Variants in FSTL5 observed in about 807,000 individuals in gnomAD.
The protein encoded by FSTL5 is follistatin like 5, also known as follistatin-related protein 5.
A neutral mutation model predicts 89.1 loss-of-function variants in FSTL5; 62 were observed. That is an observed-to-expected ratio of 0.70 (90% CI 0.57 to 0.86). The LOEUF is 0.86. Among genes scored for constraint, FSTL5 ranks in the 40% least tolerant of loss-of-function variants. The pLI is 0.00. For synonymous variants in FSTL5, 383 were observed against 346.2 expected (o/e 1.11, Z -1.18); for missense variants, 1,057 against 1,001.6 (o/e 1.06, Z -0.75).
chr4:161,527,009 T>C (rs1578900086), intron 10 of FSTL5, among the ~76,000 whole-genome samples: 1 of 152,128 alleles, frequency 6.6e-6, no homozygotes, highest in Non-Finnish European at 1.5e-5. Context: ...GGGGATGGCA[T>C]TGAATCTATA....
chr4:161,818,178 A>G (rs985616609), intron 4 of FSTL5, among the ~76,000 whole-genome samples: 1 of 152,154 alleles, frequency 6.6e-6, no homozygotes, highest in Non-Finnish European at 1.5e-5. Flanking sequence ...GCACACCCGC[A>G]GGCCACCCCA....
At chr4:161,684,124 T>G (rs1737620520) in intron 6 of FSTL5, among the ~76,000 whole-genome samples, 1 of 152,156 alleles carries the variant, frequency 6.6e-6, no homozygotes, top group African/African-American at 2.4e-5. Flanking sequence ...CATGTACACA[T>G]GGTATACAGT....
intron 5 of FSTL5, among the ~76,000 whole-genome samples, chr4:161,767,328 C>T (rs865777050): frequency 6.6e-6 from 1 of 152,130 alleles, no homozygotes; most frequent in South Asian, 2.1e-4. Context: ...GATGTACTTA[C>T]AATACTTATG....
chr4:162,132,277 C>T (rs74415785), intron 1 of FSTL5, among the ~76,000 whole-genome samples: 20,870 of 152,182 alleles, frequency 0.14, 1,953 homozygotes, highest in Non-Finnish European at 0.19. Context: ...ATTGTAGGCA[C>T]TACAGTGCTC....
At chr4:161,954,346 A>C (rs949166609) in intron 3 of FSTL5, among the ~76,000 whole-genome samples, 3 of 151,654 alleles carry the variant, frequency 2.0e-5, no homozygotes, top group African/African-American at 7.2e-5. Context: ...AAATGTTTTT[A>C]AGAGGCCATT....
At chr4:162,127,709 T>C (rs1181092475) in intron 1 of FSTL5, among the ~76,000 whole-genome samples, 2 of 151,938 alleles carry the variant, frequency 1.3e-5, no homozygotes, top group Admixed American at 6.6e-5. Flanking sequence ...AGTTTAAGGA[T>C]AGAACTGAGA....
At chr4:161,999,169 T>C (rs1241620655) in intron 3 of FSTL5, among the ~76,000 whole-genome samples, 1 of 152,176 alleles carries the variant, frequency 6.6e-6, no homozygotes, top group Admixed American at 6.5e-5. Context: ...AATTTTTTAT[T>C]TCCACATTGA....
At chr4:162,039,742 A>C (rs1329869371) in intron 2 of FSTL5, among the ~76,000 whole-genome samples, 1 of 152,006 alleles carries the variant, frequency 6.6e-6, no homozygotes, top group East Asian at 1.9e-4. Context: ...TGGTATATCG[A>C]ATAAAGCCCA....
chr4:161,622,385 G>A (rs906769227), intron 7 of FSTL5, among the ~76,000 whole-genome samples: 4 of 152,052 alleles, frequency 2.6e-5, no homozygotes, highest in Non-Finnish European at 4.4e-5. Context: ...ATGTTATGAA[G>A]TCAGTGAAAG....
chr4:161,451,076 T>G (rs761965928), intron 15 of FSTL5, among the ~76,000 whole-genome samples: 4 of 152,070 alleles, frequency 2.6e-5, no homozygotes, highest in Non-Finnish European at 5.9e-5. Flanking sequence ...CCACTTTTAA[T>G]TTTACCTATC....
chr4:161,612,620 A>G (rs975574197), intron 7 of FSTL5, among the ~76,000 whole-genome samples: 1 of 152,204 alleles, frequency 6.6e-6, no homozygotes, highest in Non-Finnish European at 1.5e-5. Context: ...TCACTTGGGG[A>G]TGAGAAGTAT....
At chr4:161,941,837 A>G (rs1560928020) in intron 3 of FSTL5, among the ~76,000 whole-genome samples, 1 of 151,960 alleles carries the variant, frequency 6.6e-6, no homozygotes, top group African/African-American at 2.4e-5. Flanking sequence ...CAGAGTATGC[A>G]TTTTTCTCAA....
intron 6 of FSTL5, among the ~76,000 whole-genome samples, chr4:161,705,502 A>G (rs1738536495): frequency 6.6e-6 from 1 of 152,108 alleles, no homozygotes; most frequent in South Asian, 2.1e-4. Flanking sequence ...CTCAGTTCAA[A>G]TTGGAAGGGA....
intron 3 of FSTL5, among the ~76,000 whole-genome samples, chr4:162,016,645 C>T (rs1284059319): frequency 6.6e-6 from 1 of 152,094 alleles, no homozygotes; most frequent in African/African-American, 2.4e-5. Flanking sequence ...TCTCTAATGG[C>T]TTCCCCAGGC....
intron 10 of FSTL5, among the ~76,000 whole-genome samples, 177 bp downstream of exon 10, chr4:161,537,989 T>C (rs981016364): frequency 2.6e-5 from 4 of 152,206 alleles, no homozygotes; most frequent in Non-Finnish European, 5.9e-5. Context: ...CAACTTTTTT[T>C]CATCTTTAAA....
At chr4:162,072,536 A>G (rs924651865) in intron 2 of FSTL5, among the ~76,000 whole-genome samples, 2 of 151,906 alleles carry the variant, frequency 1.3e-5, no homozygotes, top group African/African-American at 4.8e-5. Flanking sequence ...TAAGTATGAG[A>G]ATAGTTATTT....
intron 2 of FSTL5, among the ~76,000 whole-genome samples, chr4:162,061,043 C>G (rs1426288261): frequency 6.6e-6 from 1 of 152,100 alleles, no homozygotes; most frequent in East Asian, 1.9e-4. Context: ...AAGTCCACAT[C>G]ATAATAAGGT....
chr4:161,613,444 G>A (rs896784421), intron 7 of FSTL5, among the ~76,000 whole-genome samples: 2 of 132,746 alleles, frequency 1.5e-5, no homozygotes, highest in Non-Finnish European at 3.2e-5. Flanking sequence ...GTGAGTCTCC[G>A]TTTCAAAAAA....
At chr4:161,955,000 G>A (rs1734991486) in intron 3 of FSTL5, among the ~76,000 whole-genome samples, 1 of 151,106 alleles carries the variant, frequency 6.6e-6, no homozygotes, top group African/African-American at 2.4e-5. Context: ...TAAAATGCAT[G>A]AGGGAAATTT....
Sources: gnomAD v4.1 joint callset for allele counts (sites outside exome capture counted in the v4.1 genomes callset) on GRCh38, gnomAD v4.1.1 for gene constraint, MANE v1.5 for transcripts, NCBI Gene and HGNC (gene_info 2026-07-23, HGNC 2026-07-21) for gene names.